DDAH1: variants seen among roughly 807,000 people sequenced by gnomAD.
DDAH1 encodes N(G),N(G)-dimethylarginine dimethylaminohydrolase 1.
A neutral mutation model predicts 28.8 loss-of-function variants in DDAH1; 19 were observed. That is an observed-to-expected ratio of 0.66 (90% CI 0.46 to 0.97). The LOEUF (loss-of-function observed/expected upper bound fraction) is 0.97. Among genes scored for constraint, DDAH1 ranks in the 50% least tolerant of loss-of-function variants. The pLI is 0.00. For missense variants in DDAH1, 326 were observed against 375.9 expected (o/e 0.87, Z 1.10); for synonymous variants, 153 against 154.4 (o/e 0.99, Z 0.07).
chr1:85,508,659 C>T (rs1416356474), intron 1 of DDAH1, among the ~76,000 whole-genome samples: 1 of 152,236 alleles, frequency 6.6e-6, no homozygotes, highest in African/African-American at 2.4e-5. Context: ...CGGCAGACAA[C>T]GTGATTCTCT....
Position 85,321,216 on chromosome 1 carries a change from GC to G in DDAH1, c.*235del. The G allele has an allele frequency of 2.2e-6, 1 of 450,740 alleles. No homozygotes were observed. 27.9% of individuals were successfully genotyped at this position (450,740 alleles called of 1,614,324 possible). ...TTAATCACATTTTGATAATTCATTA[GC>G]TCTGTATCTTCTAGGTTGCTTAATT... On this transcript the variant is annotated 3_prime_UTR_variant, in exon 6 of 6. Transcript: ENST00000284031.
chr1:85,500,049 TTC>T (rs140149658), intron 1 of DDAH1, among the ~76,000 whole-genome samples: 1 of 150,406 alleles, frequency 6.6e-6, no homozygotes, highest in Non-Finnish European at 1.5e-5. Context: ...TCCCCTTTCT[TTC>T]TCTCTCTTTT....
chr1:85,325,329 C>A (rs537110391), intron 4 of DDAH1, among the ~76,000 whole-genome samples: 19 of 151,062 alleles, frequency 1.3e-4, no homozygotes, highest in Non-Finnish European at 2.4e-4. Flanking sequence ...ATCAGTAACA[C>A]CACACGTGTG....
chr1:85,326,099 G>A (rs1000312830), intron 4 of DDAH1, among the ~76,000 whole-genome samples: 1 of 152,228 alleles, frequency 6.6e-6, no homozygotes, highest in Non-Finnish European at 1.5e-5. Flanking sequence ...GAGACAGCAT[G>A]CTTCCTGTAG....
At chr1:85,423,678 A>G (rs557838540) in intron 1 of DDAH1, among the ~76,000 whole-genome samples, 15 of 152,244 alleles carry the variant, frequency 9.9e-5, no homozygotes, top group African/African-American at 3.6e-4. Flanking sequence ...TAGTTCTAGA[A>G]GTTGTGTTTT....
chr1:85,528,807 CTACTAAAAA>C (rs1657978509), intron 1 of DDAH1, among the ~76,000 whole-genome samples: 1 of 152,084 alleles, frequency 6.6e-6, no homozygotes, highest in African/African-American at 2.4e-5. Context: ...AACCCCGTCT[CTACTAAAAA>C]TACAAAAATT....
chr1:85,332,598 T>C (rs943105909), intron 4 of DDAH1, among the ~76,000 whole-genome samples: 2 of 152,082 alleles, frequency 1.3e-5, no homozygotes, highest in African/African-American at 4.8e-5. Context: ...CTGCCTGGCC[T>C]GGCACCACCC....
rs576741772 is a variant in DDAH1, at chr1:85,518,416, A to T, written c.-122-22135T>A. On this transcript the variant is annotated intron_variant, in intron 1 of 6. Transcript: ENST00000426972. The stretch of plus-strand genomic sequence containing the variant: ...GCTCGTTCAGGTGTTGGCAGAATTC[A>T]GTTCCATGTGGTTGTAAGACCGAGA... Among the ~76,000 whole-genome samples, 3 of 152,312 alleles carry T rather than the reference A, an allele frequency of 2.0e-5. No individual in the cohort carries two copies. The South Asian group carries it at 6.2e-4, about 32-fold the overall frequency.
chr1:85,376,274 G>C (rs1288122118), intron 1 of DDAH1, among the ~76,000 whole-genome samples: 1 of 152,112 alleles, frequency 6.6e-6, no homozygotes, highest in East Asian at 1.9e-4. Context: ...AAGCTGAATA[G>C]ATACCGTATG....
At chr1:85,521,620 C>T (rs1482498385) in intron 1 of DDAH1, 1 of 983,280 alleles carries the variant, frequency 1.0e-6, no homozygotes, top group African/African-American at 1.8e-5. Flanking sequence ...TAGACTCACT[C>T]CTGTATCTAG....
chr1:85,331,271 A>T (rs1647743293), intron 4 of DDAH1, among the ~76,000 whole-genome samples: 1 of 152,178 alleles, frequency 6.6e-6, no homozygotes, highest in Non-Finnish European at 1.5e-5. Context: ...ATTATGTTTT[A>T]AAAAATCCTG....
chr1:85,448,367 G>A (rs1475262256), intron 1 of DDAH1, among the ~76,000 whole-genome samples: 3 of 152,162 alleles, frequency 2.0e-5, no homozygotes, highest in Non-Finnish European at 4.4e-5. Context: ...TCTGCTCTAA[G>A]AGATAAGGAA....
At chr1:85,433,368 C>CTCT (rs1372946210) in intron 1 of DDAH1, among the ~76,000 whole-genome samples, 1 of 152,180 alleles carries the variant, frequency 6.6e-6, no homozygotes, top group Non-Finnish European at 1.5e-5. Flanking sequence ...AAATCTACCT[C>CTCT]TCTTCAGTGA....
intron 1 of DDAH1, among the ~76,000 whole-genome samples, chr1:85,415,632 A>T (rs1448081413): frequency 1.3e-5 from 2 of 152,232 alleles, no homozygotes; most frequent in African/African-American, 4.8e-5. Context: ...GATTCTATTT[A>T]TGCAAAGTTC....
chr1:85,456,470 T>C (rs1322274618), intron 1 of DDAH1, among the ~76,000 whole-genome samples: 1 of 152,226 alleles, frequency 6.6e-6, no homozygotes, highest in Non-Finnish European at 1.5e-5. Context: ...TGAGTACTCA[T>C]ACAACCATTC....
intron 1 of DDAH1, among the ~76,000 whole-genome samples, chr1:85,381,215 G>A (rs1275284856): frequency 5.0e-5 from 7 of 139,270 alleles, no homozygotes; most frequent in Non-Finnish European, 9.3e-5. Context: ...TGTGACAAGA[G>A]CAAAACTCCA....
intron 1 of DDAH1, among the ~76,000 whole-genome samples, chr1:85,395,827 T>G (rs1651787955): frequency 6.6e-6 from 1 of 152,182 alleles, no homozygotes; most frequent in Non-Finnish European, 1.5e-5. Context: ...TGTTTTTAGG[T>G]TTTTCTAAAA....
chr1:85,325,363 G>A (rs890139548), intron 4 of DDAH1, among the ~76,000 whole-genome samples: 4 of 151,920 alleles, frequency 2.6e-5, no homozygotes, highest in South Asian at 2.1e-4. Flanking sequence ...GTGCGCGCGC[G>A]CGCGCACACA....
intron 1 of DDAH1, among the ~76,000 whole-genome samples, chr1:85,410,030 C>T (rs1166948357): frequency 6.6e-6 from 1 of 152,160 alleles, no homozygotes; most frequent in Non-Finnish European, 1.5e-5. Flanking sequence ...CCTGTAATCC[C>T]AGCACTTTGG....
Sources: gnomAD v4.1 joint callset for allele counts (sites outside exome capture counted in the v4.1 genomes callset) on GRCh38, gnomAD v4.1.1 for gene constraint, MANE v1.5 for transcripts, NCBI Gene and HGNC (gene_info 2026-07-23, HGNC 2026-07-21) for gene names.